The following SLC43A2 variants were observed in gnomAD, a reference collection of about 807,000 sequenced individuals.
SLC43A2 encodes the protein large neutral amino acids transporter small subunit 4.
SLC43A2 carries 38 observed loss-of-function variants against 63.2 expected under a neutral mutation model. That is an observed-to-expected ratio of 0.60 (90% CI 0.46 to 0.79). SLC43A2 has a LOEUF of 0.79. Among genes scored for constraint, SLC43A2 ranks in the 30% least tolerant of loss-of-function variants. The pLI is 0.00. For synonymous variants in SLC43A2, 322 were observed against 331.0 expected (o/e 0.97, Z 0.30); for missense variants, 644 against 756.2 (o/e 0.85, Z 1.74).
intron 2 of SLC43A2, among the ~76,000 whole-genome samples, chr17:1,619,331 A>T (rs1907949675): frequency 6.6e-6 from 1 of 152,122 alleles, no homozygotes; most frequent in Non-Finnish European, 1.5e-5. Context: ...AACAAAACAA[A>T]AACAATGGCA....
intron 9 of SLC43A2, among the ~76,000 whole-genome samples, chr17:1,589,174 A>G (rs1016338328): frequency 1.3e-5 from 2 of 152,194 alleles, no homozygotes; most frequent in African/African-American, 4.8e-5. Flanking sequence ...ACAGTTGGAA[A>G]CATTCCTCCT....
chr17:1,619,397 CGAG>C (rs948960934), intron 2 of SLC43A2, among the ~76,000 whole-genome samples: 1 of 152,186 alleles, frequency 6.6e-6, no homozygotes, highest in Non-Finnish European at 1.5e-5. Flanking sequence ...CACGTTGAAT[CGAG>C]GGGGGATTTA....
rs921346760 is a variant in SLC43A2, at chr17:1,578,881, C to T, written c.1351-558G>A. 1.3e-5 allele frequency among the ~76,000 whole-genome samples: 2 copies of T among 152,116 alleles called. No individual in the cohort carries two copies. The highest frequency in any genetic ancestry group is 2.4e-5 in the African/African-American group (1 of 41,440). ...ATAGGCTGGGCAAGGTGGCTCACGC[C>T]CGTAATCCCAGTGCTTTGGGAGGCC... On this transcript the variant is annotated intron_variant, in intron 11 of 13. Transcript: ENST00000301335. This position sits in a 1 kb window ranked among gnomAD's most constrained non-coding sequence, Gnocchi z 6.5.
intron 5 of SLC43A2, among the ~76,000 whole-genome samples, chr17:1,607,758 C>T (rs1017896041): frequency 3.9e-5 from 6 of 152,100 alleles, no homozygotes. Context: ...CTCTGTCACC[C>T]ATGCTGGAGT....
At chr17:1,615,719 T>C (rs1182640647) in intron 3 of SLC43A2, among the ~76,000 whole-genome samples, 1 of 148,502 alleles carries the variant, frequency 6.7e-6, no homozygotes, top group Non-Finnish European at 1.5e-5. Context: ...GGCAGGCGCC[T>C]GTGGTCCCAG....
chr17:1,580,665 G>A (rs1417577949), intron 11 of SLC43A2, among the ~76,000 whole-genome samples: 3 of 151,818 alleles, frequency 2.0e-5, no homozygotes, highest in East Asian at 1.9e-4. Flanking sequence ...GGGTTCAAGC[G>A]ATTGTTCTCC....
chr17:1,597,508 AAAG>A (rs1267621493), intron 5 of SLC43A2, among the ~76,000 whole-genome samples: 5 of 149,322 alleles, frequency 3.3e-5, no homozygotes, highest in African/African-American at 1.2e-4. Context: ...CAAAAAAAAA[AAAG>A]AAATGAGGCC....
At chr17:1,590,204 C>T (rs955648480) in intron 9 of SLC43A2, among the ~76,000 whole-genome samples, 2 of 152,132 alleles carry the variant, frequency 1.3e-5, no homozygotes, top group African/African-American at 2.4e-5. Flanking sequence ...GAATCAAAAC[C>T]TCTAATCAGC....
intron 3 of SLC43A2, among the ~76,000 whole-genome samples, chr17:1,615,802 C>T (rs1369676070): frequency 1.4e-5 from 2 of 147,226 alleles, no homozygotes; most frequent in African/African-American, 5.0e-5. Flanking sequence ...GAGATCGCGC[C>T]GCTGCACTCT....
intron 2 of SLC43A2, among the ~76,000 whole-genome samples, chr17:1,624,017 C>T (rs1418036712): frequency 6.6e-6 from 1 of 152,232 alleles, no homozygotes. Flanking sequence ...CTTGGGGGCC[C>T]GACCACCCCC....
At chr17:1,594,342 A>T (rs1217689619) in intron 5 of SLC43A2, among the ~76,000 whole-genome samples, 7 of 152,170 alleles carry the variant, frequency 4.6e-5, no homozygotes, top group Non-Finnish European at 8.8e-5. Context: ...CATTCTACCG[A>T]AATCCAGGCC....
chr17:1,576,029 G>C (rs1397805863), intron 13 of SLC43A2, among the ~76,000 whole-genome samples: 1 of 151,950 alleles, frequency 6.6e-6, no homozygotes, highest in Non-Finnish European at 1.5e-5. Context: ...TACCTGGTGA[G>C]GAAATCTGGC....
intron 11 of SLC43A2, among the ~76,000 whole-genome samples, chr17:1,580,653 C>T (rs2075998158): frequency 1.3e-5 from 2 of 151,964 alleles, no homozygotes; most frequent in Non-Finnish European, 2.9e-5. Context: ...CCTCTGTCTC[C>T]TGGGTTCAAG....
rs527992565 is a variant in SLC43A2 at position 1,583,975 on chromosome 17, C to T, written c.1218-639G>A. Among the ~76,000 whole-genome samples, 2 of 151,696 alleles carry T rather than the reference C, an allele frequency of 1.3e-5. No homozygotes were observed. Among genetic ancestry groups the T allele is most frequent in the Non-Finnish European group, 2.9e-5 (2 of 67,920 alleles). On this transcript the variant is annotated intron_variant, in intron 10 of 13. Coordinates refer to ENST00000301335, the MANE Select transcript of SLC43A2 (RefSeq NM_152346.3). The surrounding 1 kb of genome is among the most constrained non-coding windows in gnomAD (Gnocchi z 5.5). ...CAGTGGTGTGATCTCGGCTCATTGC[C>T]ACCTCTGCCTCCTGGGTTCAAGCGA...
intron 11 of SLC43A2, among the ~76,000 whole-genome samples, chr17:1,580,917 G>A (rs1275445860): frequency 6.6e-6 from 1 of 152,198 alleles, no homozygotes; most frequent in African/African-American, 2.4e-5. Flanking sequence ...TTTATTTTTA[G>A]TAGAGACAGG....
At chr17:1,604,993 G>T in intron 5 of SLC43A2, 1 of 1,442,494 alleles carries the variant, frequency 6.9e-7, no homozygotes, top group Non-Finnish European at 9.1e-7. Flanking sequence ...TCGAGGGCTG[G>T]CGGAGGGGAA....
intron 11 of SLC43A2, among the ~76,000 whole-genome samples, chr17:1,582,211 C>G (rs777557319): frequency 6.6e-6 from 1 of 152,112 alleles, no homozygotes; most frequent in South Asian, 2.1e-4. Context: ...TCCCGAGTAG[C>G]TGGGATTACA....
chr17:1,603,201 C>A (rs942541420), intron 5 of SLC43A2: 1 of 152,166 alleles, frequency 6.6e-6, no homozygotes, highest in African/African-American at 2.4e-5. Flanking sequence ...TGGCAGGAAC[C>A]ACAGCTCTGG....
intron 2 of SLC43A2, among the ~76,000 whole-genome samples, chr17:1,618,213 C>T (rs1047958317): frequency 6.6e-6 from 1 of 152,200 alleles, no homozygotes; most frequent in Non-Finnish European, 1.5e-5. Context: ...GGATGAAGAG[C>T]GTGGAACTGG....
Sources: gnomAD v4.1 joint callset for allele counts (sites outside exome capture counted in the v4.1 genomes callset) on GRCh38, gnomAD v4.1.1 for gene constraint, Gnocchi (gnomAD v3.1) non-coding constraint, MANE v1.5 for transcripts, NCBI Gene and HGNC (gene_info 2026-07-23, HGNC 2026-07-21) for gene names.